The following HECW1 variants were observed in gnomAD, a reference collection of about 807,000 sequenced individuals.
HECW1 encodes the protein HECT, C2 and WW domain containing E3 ubiquitin protein ligase 1.
HECW1 carries 61 observed loss-of-function variants against 182.3 expected under a neutral mutation model. That is an observed-to-expected ratio of 0.33 (90% CI 0.27 to 0.41). The LOEUF (loss-of-function observed/expected upper bound fraction) is 0.41. Ranked by LOEUF, HECW1 falls within the 10% of genes least tolerant of loss-of-function variation. HECW1 has a pLI of 1.00. For synonymous variants in HECW1, 859 were observed against 832.6 expected, an observed-to-expected ratio of 1.03 and a Z score of -0.55; for missense variants, 1,739 against 2,108.9, an observed-to-expected ratio of 0.82 and a Z score of 3.44.
intron 3 of HECW1, chr7:43,274,167 C>T (rs1802786171): frequency 2.3e-6 from 1 of 438,682 alleles, no homozygotes; most frequent in Non-Finnish European, 4.0e-6. Flanking sequence ...CCATGAAGGC[C>T]TCGGGTGCAC....
At position 43,542,546 on chromosome 7, in the gene HECW1, T is replaced by C. The variant is rs534800240; in HGVS notation, c.4248+548T>C. Among the ~76,000 whole-genome samples, 23 of 151,682 alleles carry C rather than the reference T, an allele frequency of 1.5e-4. No individual in the cohort carries two copies. In the South Asian group the frequency reaches 4.6e-3, roughly 30 times the overall value. On this transcript the variant is annotated intron_variant, in intron 26 of 29. Coordinates refer to ENST00000395891, the MANE Select transcript of HECW1 (RefSeq NM_015052.5). The stretch of plus-strand genomic sequence containing the variant: ...TTATATATATATAAACAAATATATA[T>C]ACATATATGCCATATTTTCTTTATC...
chr7:43,317,809 TTGTGTGTGTGTG>T lies in HECW1; in HGVS notation c.353-2794_353-2783del, dbSNP rs3032881. ...AGCAAAATATACTTTTTTCTCATTA[TTGTGTGTGTGTG>T]TGTGTGTGTGTGTGTGTGTGTGTGT... is the stretch of plus-strand genomic sequence containing the variant. On this transcript the variant is annotated intron_variant, in intron 4 of 29. Coordinates refer to ENST00000395891, the MANE Select transcript of HECW1 (RefSeq NM_015052.5). 2.3e-3 allele frequency among the ~76,000 whole-genome samples: 329 copies of T among 142,612 alleles called. 2 individuals are homozygous for T. Among genetic ancestry groups the T allele is most frequent in the African/African-American group, 6.7e-3 (264 of 39,448 alleles). 93.6% of individuals were successfully genotyped at this position (142,612 alleles called of 152,430 possible). A position where few individuals can be genotyped will look rare whatever the true frequency, so the allele number is the denominator to read the frequency against.
chr7:43,440,095 A>AT (rs201311774), intron 9 of HECW1: 23,376 of 152,258 alleles, frequency 0.15, 1,958 homozygotes, highest in Middle Eastern at 0.23. Context: ...GGTTAGGAGC[A>AT]GAGTGTTGGG....
At chr7:43,339,367 C>G (rs1441434204) in intron 5 of HECW1, among the ~76,000 whole-genome samples, 1 of 152,188 alleles carries the variant, frequency 6.6e-6, no homozygotes, top group Non-Finnish European at 1.5e-5. Context: ...TACGAACCCT[C>G]TTTCTGCTCT....
At chr7:43,344,604 C>T (rs1056388393) in intron 5 of HECW1, among the ~76,000 whole-genome samples, 1 of 152,054 alleles carries the variant, frequency 6.6e-6, no homozygotes, top group South Asian at 2.1e-4. Flanking sequence ...TTCGATGTAG[C>T]ACCATCATCT....
intron 14 of HECW1, among the ~76,000 whole-genome samples, chr7:43,465,067 G>A (rs1320986702): frequency 6.6e-6 from 1 of 152,122 alleles, no homozygotes; most frequent in Admixed American, 6.5e-5. Flanking sequence ...CTCCCGAAGT[G>A]CTAGGATTAC....
chr7:43,497,202 C>T (rs1225771347), intron 19 of HECW1, among the ~76,000 whole-genome samples: 1 of 152,044 alleles, frequency 6.6e-6, no homozygotes, highest in African/African-American at 2.4e-5. Context: ...GGCATTGTCC[C>T]TTGAGATGCA....
chr7:43,378,413 C>G (rs2074410126), intron 6 of HECW1, among the ~76,000 whole-genome samples: 2 of 152,240 alleles, frequency 1.3e-5, no homozygotes, highest in African/African-American at 4.8e-5. Flanking sequence ...CTATCTAGAA[C>G]AATCATGTGG....
At chr7:43,311,725 G>A (rs1425140508) in intron 3 of HECW1, 38 bp from the exon 4 acceptor site, 2 of 1,592,506 alleles carry the variant, frequency 1.3e-6, no homozygotes, top group Non-Finnish European at 1.7e-6. Flanking sequence ...AGTTGCCGGC[G>A]TGCCCTGACC....
intron 2 of HECW1, among the ~76,000 whole-genome samples, chr7:43,122,291 G>A (rs1305242714): frequency 2.0e-5 from 3 of 152,180 alleles, no homozygotes; most frequent in Admixed American, 6.5e-5. Flanking sequence ...CCCCTGCCAT[G>A]AATAGTGTCA....
rs1022364169 is a variant in HECW1 at position 43,331,254 on chromosome 7, C to T, written c.460+10512C>T. Among the ~76,000 whole-genome samples the T allele has an allele frequency of 5.3e-5, 8 of 151,656 alleles. No homozygotes were observed. The South Asian group carries it at 6.3e-4, about 12-fold the overall frequency. The stretch of plus-strand genomic sequence containing the variant: ...TGTGGTGTTTGGTTTTCTGTCCTTG[C>T]GATAGTTTGCTCAGAATGATGGTTT... On this transcript the variant is annotated intron_variant, in intron 5 of 29. Transcript: ENST00000395891.
At chr7:43,423,115 C>T (rs553788485) in intron 8 of HECW1, among the ~76,000 whole-genome samples, 2 of 152,264 alleles carry the variant, frequency 1.3e-5, no homozygotes, top group South Asian at 4.1e-4. Context: ...ACAAAGTAAA[C>T]ATAGTGTCAT....
chr7:43,165,718 C>T (rs1028180314), intron 2 of HECW1, among the ~76,000 whole-genome samples: 1 of 152,148 alleles, frequency 6.6e-6, no homozygotes, highest in Non-Finnish European at 1.5e-5. Flanking sequence ...TACAATCAAT[C>T]ATGCCAGCAG....
At chr7:43,517,024 T>A (rs1473244044) in intron 24 of HECW1, among the ~76,000 whole-genome samples, 1 of 152,216 alleles carries the variant, frequency 6.6e-6, no homozygotes, top group African/African-American at 2.4e-5. Context: ...GTATATGTGG[T>A]CTGTCATTAA....
chr7:43,311,031 G>A (rs1236846953), intron 3 of HECW1, among the ~76,000 whole-genome samples: 2 of 152,270 alleles, frequency 1.3e-5, no homozygotes, highest in East Asian at 3.9e-4. Context: ...CTCTGCATCA[G>A]GTTGGCTCAT....
intron 2 of HECW1, among the ~76,000 whole-genome samples, chr7:43,237,314 G>A (rs1287978815): frequency 6.6e-6 from 1 of 152,198 alleles, no homozygotes; most frequent in African/African-American, 2.4e-5. Context: ...GAGAAGACCT[G>A]CCTGGAGCCC....
At chr7:43,244,591 G>A (rs924266655) in intron 3 of HECW1, among the ~76,000 whole-genome samples, 1 of 152,170 alleles carries the variant, frequency 6.6e-6, no homozygotes, top group Non-Finnish European at 1.5e-5. Flanking sequence ...CTGAGAGGTA[G>A]GTATGATCAT....
intron 3 of HECW1, among the ~76,000 whole-genome samples, chr7:43,289,142 C>G (rs553632977): frequency 2.0e-5 from 3 of 149,630 alleles, no homozygotes; most frequent in Admixed American, 1.3e-4. Flanking sequence ...ATCGATCACT[C>G]TGTCACCAGG....
In HECW1 at chr7:43,362,587, G is replaced by A. The variant is rs569096633; in HGVS notation, c.555+1607G>A. On this transcript the variant is annotated intron_variant, in intron 6 of 29. Coordinates refer to ENST00000395891, the MANE Select transcript of HECW1 (RefSeq NM_015052.5). Reference sequence around the variant, plus strand: ...TTGTTTGGGCATCCCTCAAAAGAGGGTACCCCTTAAAACCAGACATGTCCT... The same window carrying A: ...TTGTTTGGGCATCCCTCAAAAGAGGATACCCCTTAAAACCAGACATGTCCT... 1.4e-4 allele frequency among the ~76,000 whole-genome samples: 21 copies of A among 152,342 alleles called. No homozygotes were observed. The South Asian group carries it at 4.1e-3, about 30-fold the overall frequency.
Sources: gnomAD v4.1 joint callset for allele counts (sites outside exome capture counted in the v4.1 genomes callset) on GRCh38, gnomAD v4.1.1 for gene constraint, MANE v1.5 for transcripts, NCBI Gene and HGNC (gene_info 2026-07-23, HGNC 2026-07-21) for gene names.